The following EGFR variants were observed in gnomAD, a reference collection of about 807,000 sequenced individuals.
EGFR encodes the protein avian erythroblastic leukemia viral (v-erb-b) oncogene homolog.
In EGFR, 58 loss-of-function variants were observed where a neutral mutation model predicts 143.0. The ratio of observed to expected loss-of-function variants is 0.41; its 90% CI spans 0.33 to 0.50. The LOEUF is 0.50. Ranked by LOEUF, EGFR falls within the 20% of genes least tolerant of loss-of-function variation. The pLI, the probability that EGFR is intolerant of heterozygous loss-of-function variation, is 0.39. For missense variants in EGFR, 1,307 were observed against 1,579.0 expected (o/e 0.83, Z 2.92); for synonymous variants, 613 against 594.4 (o/e 1.03, Z -0.45).
intron 1 of EGFR, among the ~76,000 whole-genome samples, chr7:55,124,403 A>G (rs923983561): frequency 6.6e-6 from 1 of 152,202 alleles, no homozygotes; most frequent in Non-Finnish European, 1.5e-5. Context: ...CTCAGTTCTT[A>G]AATTTTCAGA....
chr7:55,205,106 T>C (rs898253799), intron 27 of EGFR, 150 bp from the exon 28 acceptor site: 3 of 1,203,492 alleles, frequency 2.5e-6, no homozygotes, highest in Admixed American at 2.4e-5. Context: ...CCACTTTCTT[T>C]TGCAGCAACA....
intron 19 of EGFR, chr7:55,181,055 C>G: frequency 1.7e-6 from 1 of 594,764 alleles, no homozygotes; most frequent in South Asian, 2.0e-5. Flanking sequence ...CTGGGCCTCT[C>G]TGTCATGGGG....
chr7:55,046,599 A>C (rs1788190986), intron 1 of EGFR, among the ~76,000 whole-genome samples: 1 of 152,168 alleles, frequency 6.6e-6, no homozygotes, highest in Admixed American at 6.5e-5. Flanking sequence ...AAAAAAAAAA[A>C]AAAACAGCAT....
intron 1 of EGFR, among the ~76,000 whole-genome samples, chr7:55,078,250 C>CACACCCCAAGCCCCGCGT (rs1195901463): frequency 1.3e-5 from 2 of 152,042 alleles, no homozygotes; most frequent in Non-Finnish European, 2.9e-5. Flanking sequence ...GGGCCCCGCA[C>CACACCCCAAGCCCCGCGT]ACACCCCAAG....
chr7:55,022,841 T>A (rs1786655010), intron 1 of EGFR, among the ~76,000 whole-genome samples: 1 of 152,258 alleles, frequency 6.6e-6, no homozygotes, highest in Non-Finnish European at 1.5e-5. Context: ...GAAAGTCCAT[T>A]GTGCTGCATA....
At chr7:55,128,738 G>C (rs1287037561) in intron 1 of EGFR, among the ~76,000 whole-genome samples, 1 of 152,164 alleles carries the variant, frequency 6.6e-6, no homozygotes, top group Non-Finnish European at 1.5e-5. Context: ...TTCTATATCT[G>C]TAGTCAATAG....
At position 55,019,081 on chromosome 7, in the gene EGFR, C is replaced by T; in HGVS notation, c.-197C>T. On this transcript the variant is annotated 5_prime_UTR_variant, in exon 1 of 28. Coordinates refer to ENST00000275493, the MANE Select transcript of EGFR (RefSeq NM_005228.5). ...GCCTCCGCCCCCCGCACGGTGTGAG[C>T]GCCCGACGCGGCCGAGGCGGCCGGA... The T allele has an allele frequency of 3.3e-6, 1 of 299,902 alleles. No individual in the cohort carries two copies. Among genetic ancestry groups the T allele is most frequent in the Non-Finnish European group, 6.0e-6 (1 of 167,618 alleles). 18.6% of individuals were successfully genotyped at this position (299,902 alleles called of 1,614,324 possible).
rs2128952376 is a variant in EGFR at position 55,172,983 on chromosome 7, G to T, written c.1920G>T (p.Gly640=). 1.2e-6 allele frequency: 2 copies of T among 1,614,116 alleles called. No homozygotes were observed. The highest frequency in any genetic ancestry group is 1.7e-6 in the Non-Finnish European group (2 of 1,180,022). ...GPGLEGCPTN[G]PKIPSIATGM... is the part of the protein sequence containing the mutation. ...TCCTTGTTCCTCCACCTCATTCCAGGCCTAAGATCCCGTCCATCGCCACTG... is the reference window on the plus strand; with the variant it reads ...TCCTTGTTCCTCCACCTCATTCCAGTCCTAAGATCCCGTCCATCGCCACTG... The change falls in exon 17 of 28, where the codon GGG becomes GGT. Residue 640 remains glycine (G), a splice_region_variant and synonymous_variant. Coordinates refer to ENST00000275493, the MANE Select transcript of EGFR (RefSeq NM_005228.5).
At chr7:55,080,430 A>G (rs1790397354) in intron 1 of EGFR, among the ~76,000 whole-genome samples, 1 of 152,136 alleles carries the variant, frequency 6.6e-6, no homozygotes, top group South Asian at 2.1e-4. Context: ...TGTTAAGTGA[A>G]ATAAGCCAGG....
intron 14 of EGFR, among the ~76,000 whole-genome samples, 200 bp from the exon 15 acceptor site, chr7:55,165,080 A>G (rs1188172267): frequency 1.3e-5 from 2 of 152,260 alleles, no homozygotes; most frequent in Non-Finnish European, 2.9e-5. Flanking sequence ...ATTCAAAAAC[A>G]GGGAGAACTT....
At chr7:55,111,174 G>A (rs939898796) in intron 1 of EGFR, among the ~76,000 whole-genome samples, 6 of 152,108 alleles carry the variant, frequency 3.9e-5, no homozygotes, top group African/African-American at 1.4e-4. Flanking sequence ...CTCTCTGCCT[G>A]GCCCGCTGAG....
At chr7:55,107,235 G>A (rs971915560) in intron 1 of EGFR, among the ~76,000 whole-genome samples, 2 of 152,020 alleles carry the variant, frequency 1.3e-5, no homozygotes, top group Non-Finnish European at 2.9e-5. Context: ...TCCCTCCCCA[G>A]TTTTTTTCTT....
intron 1 of EGFR, among the ~76,000 whole-genome samples, chr7:55,080,575 T>A (rs569464700): frequency 5.1e-4 from 77 of 152,208 alleles, no homozygotes; most frequent in African/African-American, 1.8e-3. Context: ...TGAAAGGACA[T>A]AGAATCTCAG....
At chr7:55,072,553 G>A (rs775685481) in intron 1 of EGFR, among the ~76,000 whole-genome samples, 6 of 152,300 alleles carry the variant, frequency 3.9e-5, no homozygotes, top group Admixed American at 2.0e-4. Flanking sequence ...TGCTGATGCC[G>A]TTCCCTTTTT....
intron 1 of EGFR, among the ~76,000 whole-genome samples, chr7:55,133,811 G>A (rs1395574992): frequency 1.3e-5 from 2 of 152,216 alleles, no homozygotes; most frequent in African/African-American, 4.8e-5. Context: ...AAGCAGCAAG[G>A]CAGATGCCCT....
chr7:55,071,724 G>C (rs537531507), intron 1 of EGFR, among the ~76,000 whole-genome samples: 180 of 152,240 alleles, frequency 1.2e-3, no homozygotes, highest in Non-Finnish European at 2.2e-3. Context: ...TAATATGTTA[G>C]AGATTTATGT....
intron 13 of EGFR, 147 bp downstream of exon 13, chr7:55,161,778 G>C (rs1257139414): frequency 1.2e-5 from 17 of 1,364,964 alleles, no homozygotes; most frequent in Non-Finnish European, 1.7e-5. Context: ...TCTGTGGGGA[G>C]ACGGGAAGTT....
Position 55,209,218 on chromosome 7 carries a change from T to G in EGFR, c.*3601T>G, listed in dbSNP as rs1286557922. ...CAACCAGGGTTGAAACCCTTATTTC[T>G]AGGGTCTTCAGTTGTACAAGACTGT... On this transcript the variant is annotated 3_prime_UTR_variant, in exon 28 of 28. Transcript: ENST00000275493. The G allele has an allele frequency of 2.0e-5, 3 of 152,176 alleles. No individual in the cohort carries two copies. Among genetic ancestry groups the G allele is most frequent in the African/African-American group, 7.2e-5 (3 of 41,438 alleles). 9.4% of individuals were successfully genotyped at this position (152,176 alleles called of 1,614,324 possible). A position where few individuals can be genotyped will look rare whatever the true frequency, so the allele number is the denominator to read the frequency against.
intron 1 of EGFR, among the ~76,000 whole-genome samples, chr7:55,112,049 T>A (rs1253717098): frequency 6.6e-6 from 1 of 152,066 alleles, no homozygotes; most frequent in Non-Finnish European, 1.5e-5. Context: ...GGCAGACACC[T>A]GGGCTACCCA....
Sources: gnomAD v4.1 joint callset for allele counts (sites outside exome capture counted in the v4.1 genomes callset) on GRCh38, gnomAD v4.1.1 for gene constraint, MANE v1.5 for transcripts, NCBI Gene and HGNC (gene_info 2026-07-23, HGNC 2026-07-21) for gene names.